The following STK3 variants were observed in gnomAD, a reference collection of about 807,000 sequenced individuals.
STK3 encodes serine/threonine-protein kinase 3.
STK3 carries 41 observed loss-of-function variants against 58.0 expected under a neutral mutation model. The ratio of observed to expected loss-of-function variants is 0.71; its 90% confidence interval spans 0.55 to 0.92. The LOEUF (loss-of-function observed/expected upper bound fraction) is 0.92. STK3 is among the 40% of genes least tolerant of loss of function. The pLI is 0.00. For missense variants in STK3, 479 were observed against 602.7 expected, an observed-to-expected ratio of 0.79 and a Z score of 2.15; for synonymous variants, 170 against 191.0, an observed-to-expected ratio of 0.89 and a Z score of 0.91.
chr8:98,932,819 G>T (rs1840048290), intron 1 of STK3, among the ~76,000 whole-genome samples: 1 of 152,196 alleles, frequency 6.6e-6, no homozygotes, highest in Non-Finnish European at 1.5e-5. Context: ...AGAGGCTATT[G>T]ATACAGCCAA....
At chr8:98,797,275 G>A (rs543612610) in intron 1 of STK3, among the ~76,000 whole-genome samples, 1 of 152,246 alleles carries the variant, frequency 6.6e-6, no homozygotes, top group East Asian at 1.9e-4. Context: ...GCTTCTACTT[G>A]CCCATCAGAA....
chr8:98,457,625 T>TA (rs1472438368), intron 10 of STK3, among the ~76,000 whole-genome samples: 2 of 152,190 alleles, frequency 1.3e-5, no homozygotes, highest in African/African-American at 4.8e-5. Context: ...AAAAAATACT[T>TA]AGACTTTAGA....
chr8:98,753,648 TAAATAATAAAAACATCAGTC>T (rs995077504), intron 3 of STK3, among the ~76,000 whole-genome samples: 4 of 151,752 alleles, frequency 2.6e-5, no homozygotes, highest in African/African-American at 9.7e-5. Context: ...AATAAATAAA[TAAATAATAAAAACATCAGTC>T]ATCTAAAAAA....
At chr8:98,354,442 A>T in the STK3 span, among the ~76,000 whole-genome samples, 17 of 152,194 alleles carry the variant, frequency 1.1e-4, no homozygotes, top group Admixed American at 1.1e-3. Context: ...ATCTTAGAAC[A>T]TGAGAATGAG....
chr8:98,578,752 T>C (rs917493540), intron 8 of STK3, among the ~76,000 whole-genome samples: 2 of 152,368 alleles, frequency 1.3e-5, no homozygotes, highest in Middle Eastern at 3.4e-3. Context: ...TCAGATTTTA[T>C]GACTATTTGA....
chr8:98,911,971 T>C (rs78538239), intron 1 of STK3, among the ~76,000 whole-genome samples: 3,002 of 152,330 alleles, frequency 0.02, 293 homozygotes, highest in Admixed American at 0.15. Flanking sequence ...ACATTAAGAA[T>C]TTGTCTATAC....
intron 1 of STK3, among the ~76,000 whole-genome samples, chr8:98,814,046 T>C (rs1019863942): frequency 6.6e-6 from 1 of 152,172 alleles, no homozygotes; most frequent in Admixed American, 6.5e-5. Context: ...ACTGAATCTT[T>C]AATTGATTTT....
At chr8:98,615,090 C>T (rs1299466013) in intron 6 of STK3, among the ~76,000 whole-genome samples, 1 of 151,918 alleles carries the variant, frequency 6.6e-6, no homozygotes. Context: ...AGCAGTGGTT[C>T]TCCCAGCACG....
At chr8:98,654,017 A>C (rs1821231141) in intron 6 of STK3, among the ~76,000 whole-genome samples, 1 of 152,224 alleles carries the variant, frequency 6.6e-6, no homozygotes, top group Admixed American at 6.5e-5. Context: ...AAAGCCTGAC[A>C]GAGACACAAC....
intron 4 of STK3, among the ~76,000 whole-genome samples, chr8:98,719,028 A>G (rs1354384595): frequency 6.6e-6 from 1 of 152,188 alleles, no homozygotes; most frequent in Non-Finnish European, 1.5e-5. Flanking sequence ...ACTTGTCGAT[A>G]CAAAAAGAAA....
chr8:98,365,793 A>T, the STK3 span, among the ~76,000 whole-genome samples: 1 of 152,206 alleles, frequency 6.6e-6, no homozygotes, highest in Non-Finnish European at 1.5e-5. Context: ...TATACATAAT[A>T]TTCTGCAACT....
In STK3 at chr8:98,428,894, C is replaced by A. The variant is rs771492184; in HGVS notation, n.483+5233G>T. On this transcript the variant is annotated intron_variant and non_coding_transcript_variant, in intron 3 of 3. Transcript: ENST00000517832. The surrounding 1 kb of genome is among the most constrained non-coding windows in gnomAD (Gnocchi z 6.7). ...TGAGGCTGATGCGGATCTTCCGCAT[C>A]TTAAAGCTGGCCAGGCACTCCACTG... 1 of 1,614,192 alleles carries A rather than the reference C, an allele frequency of 6.2e-7. No homozygotes were observed. Among genetic ancestry groups the A allele is most frequent in the Non-Finnish European group, 8.5e-7 (1 of 1,180,040 alleles).
chr8:98,886,323 T>C (rs1286701262), intron 1 of STK3, among the ~76,000 whole-genome samples: 1 of 152,222 alleles, frequency 6.6e-6, no homozygotes, highest in African/African-American at 2.4e-5. Flanking sequence ...CTGGGTGAAG[T>C]ATACACGAAA....
intron 4 of STK3, among the ~76,000 whole-genome samples, chr8:98,726,579 G>T (rs1421584845): frequency 6.6e-6 from 1 of 152,148 alleles, no homozygotes; most frequent in Admixed American, 6.6e-5. Context: ...GGAGCAAAAA[G>T]TATCACTTTC....
intron 3 of STK3, chr8:98,429,217 T>C: frequency 6.2e-7 from 1 of 1,613,962 alleles, no homozygotes; most frequent in African/African-American, 1.3e-5. Context: ...TTCAATAAGT[T>C]CTCCCACTTT....
At chr8:98,584,910 T>G (rs1419368439) in intron 7 of STK3, among the ~76,000 whole-genome samples, 1 of 151,742 alleles carries the variant, frequency 6.6e-6, no homozygotes. Context: ...TTGAGAAGTG[T>G]CTGTTCATGT....
At chr8:98,572,901 C>T (rs574019366) in intron 8 of STK3, among the ~76,000 whole-genome samples, 1 of 152,168 alleles carries the variant, frequency 6.6e-6, no homozygotes, top group South Asian at 2.1e-4. Flanking sequence ...AAACACTAAG[C>T]TTTGCCCCAG....
At chr8:98,507,497 C>T (rs1039929548) in intron 10 of STK3, among the ~76,000 whole-genome samples, 10 of 152,182 alleles carry the variant, frequency 6.6e-5, no homozygotes, top group Non-Finnish European at 5.9e-5. Flanking sequence ...CTACCCTTGC[C>T]CCACTCAATC....
chr8:98,623,499 C>T lies in STK3; in HGVS notation c.685-27330G>A, dbSNP rs76097647. Among the ~76,000 whole-genome samples the T allele has an allele frequency of 3.5e-3, 533 of 152,264 alleles. 2 individuals carry two copies. The highest frequency in any genetic ancestry group is 0.012 in the African/African-American group (509 of 41,546). On this transcript the variant is annotated intron_variant, in intron 6 of 10. Coordinates refer to ENST00000419617, the MANE Select transcript of STK3 (RefSeq NM_006281.4). ...AATGTGTACATTCAAAACCAAAGGC[C>T]AGGGCTGGGCACAGTAGCTTATGCC...
Sources: gnomAD v4.1 joint callset for allele counts (sites outside exome capture counted in the v4.1 genomes callset) on GRCh38, gnomAD v4.1.1 for gene constraint, Gnocchi (gnomAD v3.1) non-coding constraint, MANE v1.5 for transcripts, NCBI Gene and HGNC (gene_info 2026-07-23, HGNC 2026-07-21) for gene names.